VAV2: variants seen among roughly 807,000 people sequenced by gnomAD.
VAV2 encodes guanine nucleotide exchange factor VAV2.
VAV2 carries 67 observed loss-of-function variants against 132.5 expected under a neutral mutation model. That is an observed-to-expected ratio of 0.51 (90% CI 0.42 to 0.62). VAV2 has a LOEUF of 0.62. VAV2 is among the 20% of genes least tolerant of loss of function. The pLI is 0.00. For synonymous variants in VAV2, 492 were observed against 443.5 expected, an observed-to-expected ratio of 1.11 and a Z score of -1.37; for missense variants, 938 against 1,153.6, an observed-to-expected ratio of 0.81 and a Z score of 2.71.
Position 133,769,655 on chromosome 9 carries a change from G to A in VAV2, c.2348-152C>T, listed in dbSNP as rs1399046418. 1.3e-5 allele frequency among the ~76,000 whole-genome samples: 2 copies of A among 152,194 alleles called. No homozygotes were observed. Among genetic ancestry groups the A allele is most frequent in the Admixed American group, 6.5e-5 (1 of 15,282 alleles). On this transcript the variant is annotated intron_variant, in intron 27 of 29. Transcript: ENST00000371850. This position sits in a 1 kb window ranked among gnomAD's most constrained non-coding sequence, Gnocchi z 8.1. Reference sequence around the variant, plus strand: ...GGGCAAAGGAGGCAGGGGGCAGCACGGGTTGTCAAGCCCCACCCAGGCACA... The same window carrying A: ...GGGCAAAGGAGGCAGGGGGCAGCACAGGTTGTCAAGCCCCACCCAGGCACA...
intron 2 of VAV2, among the ~76,000 whole-genome samples, chr9:133,870,585 C>T (rs1837986577): frequency 6.6e-6 from 1 of 152,156 alleles, no homozygotes. Context: ...ATGCAGGAGT[C>T]TGAGAGACCA....
At chr9:133,819,503 G>A (rs1835703621) in intron 4 of VAV2, among the ~76,000 whole-genome samples, 1 of 152,114 alleles carries the variant, frequency 6.6e-6, no homozygotes, top group African/African-American at 2.4e-5. Flanking sequence ...CTGTGTTTGG[G>A]AATCTGTCTC....
At chr9:133,877,308 TG>T (rs1838302971) in intron 2 of VAV2, among the ~76,000 whole-genome samples, 1 of 152,116 alleles carries the variant, frequency 6.6e-6, no homozygotes, top group South Asian at 2.1e-4. Context: ...CCCACAAAGC[TG>T]GGACCCACAC....
intron 1 of VAV2, among the ~76,000 whole-genome samples, chr9:133,979,414 C>T (rs1298823992): frequency 1.3e-5 from 2 of 151,884 alleles, no homozygotes; most frequent in Admixed American, 6.6e-5. Flanking sequence ...TGCCCAACCA[C>T]ACACGAAGCC....
Position 133,788,542 on chromosome 9 carries a change from G to A in VAV2, c.1275-56C>T, listed in dbSNP as rs983873636. On this transcript the variant is annotated intron_variant, in intron 14 of 29. Transcript: ENST00000371850. The surrounding 1 kb of genome is among the most constrained non-coding windows in gnomAD (Gnocchi z 5.3). ...ACCCCAGCACTGTGTGCTCTGCTCC[G>A]AGGAGGCGGCAGGAGCTGAGCCTGA... 4.2e-5 allele frequency: 66 copies of A among 1,571,856 alleles called. No individual in the cohort carries two copies. Among genetic ancestry groups the A allele is most frequent in the African/African-American group, 5.4e-5 (4 of 74,192 alleles).
rs533352553 is a variant in VAV2, at chr9:133,962,615, T to C, written c.205-23396A>G. 5.9e-5 allele frequency among the ~76,000 whole-genome samples: 9 copies of C among 151,576 alleles called. No homozygotes were observed. The South Asian group carries it at 1.7e-3, about 28-fold the overall frequency. On this transcript the variant is annotated intron_variant, in intron 1 of 29. Coordinates refer to ENST00000371850, the MANE Select transcript of VAV2 (RefSeq NM_001134398.2). ...TCCAAGCACAGTTAGCAGAAGCCCC[T>C]CCCCGCCCCACCCCCCACAAAGCTC...
At chr9:133,974,632 TAC>T (rs1041400315) in intron 1 of VAV2, among the ~76,000 whole-genome samples, 1 of 152,106 alleles carries the variant, frequency 6.6e-6, no homozygotes, top group African/African-American at 2.4e-5. Context: ...ATGAGCAAGC[TAC>T]AGTTTCCAAG....
intron 2 of VAV2, among the ~76,000 whole-genome samples, chr9:133,911,084 C>T (rs1022542012): frequency 1.3e-5 from 2 of 152,304 alleles, no homozygotes; most frequent in South Asian, 2.1e-4. Context: ...GGGCCGGGCA[C>T]GCCCCTTCTT....
intron 1 of VAV2, among the ~76,000 whole-genome samples, chr9:133,948,195 C>T (rs1170410936): frequency 1.3e-5 from 2 of 152,216 alleles, no homozygotes; most frequent in African/African-American, 4.8e-5. Flanking sequence ...CACAGCTCAG[C>T]CAGGGATTGA....
rs1210441406 is a variant in VAV2, at chr9:133,887,938, C to T, written c.322-26506G>A. 3.3e-5 allele frequency among the ~76,000 whole-genome samples: 5 copies of T among 152,204 alleles called. No individual in the cohort carries two copies. The East Asian group carries it at 7.7e-4, about 23-fold the overall frequency. On this transcript the variant is annotated intron_variant, in intron 2 of 29. Transcript: ENST00000371850. ...CCCTCTTCCACGTAGAGCAACGCAG[C>T]GTCCACAGAAGGCAGCCACTCCTCT...
At chr9:133,917,161 G>A (rs1447050416) in intron 2 of VAV2, among the ~76,000 whole-genome samples, 1 of 151,820 alleles carries the variant, frequency 6.6e-6, no homozygotes, top group African/African-American at 2.4e-5. Context: ...TAGCCCTAGA[G>A]CTCACTAAAT....
At chr9:133,777,536 G>A in intron 22 of VAV2, 73 bp from the exon 23 acceptor site, 3 of 1,443,048 alleles carry the variant, frequency 2.1e-6, no homozygotes, top group South Asian at 2.3e-5. Flanking sequence ...CATTTAGACG[G>A]ACTCAGCGTA....
intron 2 of VAV2, among the ~76,000 whole-genome samples, chr9:133,886,832 T>C (rs994571234): frequency 6.6e-6 from 1 of 152,254 alleles, no homozygotes; most frequent in African/African-American, 2.4e-5. Context: ...TCATAATCCA[T>C]ACTCCAGGGG....
chr9:133,927,882 C>G (rs952807418), intron 2 of VAV2: 1 of 152,160 alleles, frequency 6.6e-6, no homozygotes, highest in African/African-American at 2.4e-5. Flanking sequence ...AAATCACAGC[C>G]TCCTAGGATC....
chr9:133,962,865 T>G (rs1842010074), intron 1 of VAV2, among the ~76,000 whole-genome samples: 1 of 152,218 alleles, frequency 6.6e-6, no homozygotes, highest in Non-Finnish European at 1.5e-5. Context: ...TTGGCTCCAT[T>G]CCTAGGTTTT....
At chr9:133,783,876 CGTTTTTT>C (rs749861046) in intron 18 of VAV2, among the ~76,000 whole-genome samples, 1 of 124,974 alleles carries the variant, frequency 8.0e-6, no homozygotes, top group African/African-American at 3.1e-5. Context: ...TTGGCTGGGC[CGTTTTTT>C]TTTTTTTTTT....
At chr9:133,813,114 C>A (rs1027250033) in intron 4 of VAV2, among the ~76,000 whole-genome samples, 4 of 152,230 alleles carry the variant, frequency 2.6e-5, no homozygotes, top group Non-Finnish European at 5.9e-5. Context: ...TTCCCACAGG[C>A]CCCGTTGGGG....
intron 3 of VAV2, among the ~76,000 whole-genome samples, chr9:133,835,291 G>A (rs948566662): frequency 2.0e-5 from 3 of 152,094 alleles, no homozygotes; most frequent in Admixed American, 6.5e-5. Context: ...ACAGACAGAT[G>A]GGTGTGGCCC....
chr9:133,985,264 G>A (rs1055652153), intron 1 of VAV2, among the ~76,000 whole-genome samples: 1 of 144,964 alleles, frequency 6.9e-6, no homozygotes, highest in Non-Finnish European at 1.5e-5. Flanking sequence ...GTGTGTGTGT[G>A]TGTGTGTGTG....
Sources: gnomAD v4.1 joint callset for allele counts (sites outside exome capture counted in the v4.1 genomes callset) on GRCh38, gnomAD v4.1.1 for gene constraint, Gnocchi (gnomAD v3.1) non-coding constraint, MANE v1.5 for transcripts, NCBI Gene and HGNC (gene_info 2026-07-23, HGNC 2026-07-21) for gene names.